PTER: variants seen among roughly 807,000 people sequenced by gnomAD.
The protein encoded by PTER is phosphotriesterase related.
Under a neutral mutation model 29.6 loss-of-function variants are expected in PTER, and 38 were observed. The observed-to-expected ratio is 1.28, with a 90% CI of 0.99 to 1.68. The LOEUF is 1.68. Ranked by LOEUF, PTER falls within the 40% of genes most tolerant of loss-of-function variation. The pLI is 0.00. For missense variants in PTER, 482 were observed against 427.8 expected (o/e 1.13, Z -1.12); for synonymous variants, 172 against 154.5 (o/e 1.11, Z -0.84).
At chr10:16,491,271 C>T (rs1482537999) in intron 3 of PTER, among the ~76,000 whole-genome samples, 1 of 152,144 alleles carries the variant, frequency 6.6e-6, no homozygotes, top group Middle Eastern at 3.2e-3. Flanking sequence ...AGCTAGGGAA[C>T]ATGGCTTTAG....
At chr10:16,491,938 G>A (rs1212923472) in intron 3 of PTER, among the ~76,000 whole-genome samples, 1 of 150,194 alleles carries the variant, frequency 6.7e-6, no homozygotes, top group African/African-American at 2.5e-5. Context: ...ATTTGTATGG[G>A]TGCACACACA....
At chr10:16,460,554 T>A (rs1834574832) in intron 1 of PTER, among the ~76,000 whole-genome samples, 2 of 152,204 alleles carry the variant, frequency 1.3e-5, no homozygotes, top group African/African-American at 2.4e-5. Flanking sequence ...TACTTAATAA[T>A]ATATTTTACC....
intron 1 of PTER, among the ~76,000 whole-genome samples, chr10:16,448,768 C>T (rs372326559): frequency 6.1e-4 from 93 of 152,236 alleles, no homozygotes; most frequent in African/African-American, 2.1e-3. Flanking sequence ...TGACACAAAG[C>T]CAGAGAGATG....
chr10:16,503,550 A>T (rs1394612128), intron 3 of PTER, among the ~76,000 whole-genome samples: 1 of 151,842 alleles, frequency 6.6e-6, no homozygotes, highest in Non-Finnish European at 1.5e-5. Context: ...GATTACAGGC[A>T]CCCACCACTA....
At chr10:16,442,990 A>G (rs958396333) in intron 1 of PTER, among the ~76,000 whole-genome samples, 1 of 152,082 alleles carries the variant, frequency 6.6e-6, no homozygotes, top group African/African-American at 2.4e-5. Flanking sequence ...TAAAAATAAG[A>G]TGAAATAAAA....
Position 16,466,343 on chromosome 10 carries a change from A to G in PTER, c.-48-17994A>G, listed in dbSNP as rs78172601. Among the ~76,000 whole-genome samples the G allele has an allele frequency of 8.7e-3, 1,319 of 151,976 alleles. 22 individuals carry two copies. Among genetic ancestry groups the G allele is most frequent in the African/African-American group, 0.03 (1,254 of 41,404 alleles). Reference sequence around the variant, plus strand: ...CCAAACAGGCTAGGTTAGACCATCTAAAAACAGGTATCTGCACTGATTGTT... The same window carrying G: ...CCAAACAGGCTAGGTTAGACCATCTGAAAACAGGTATCTGCACTGATTGTT... On this transcript the variant is annotated intron_variant, in intron 1 of 4. Transcript: ENST00000535784.
Position 16,469,120 on chromosome 10 carries a change from A to G in PTER, c.-48-15217A>G, listed in dbSNP as rs1040001633. ...CCACAGGACAATCTTCTAGTTAGGA[A>G]GAGTGCTGAAGGCCGAGTAGAAGTT... On this transcript the variant is annotated intron_variant, in intron 1 of 4. Transcript: ENST00000535784. Among the ~76,000 whole-genome samples the G allele has an allele frequency of 1.4e-3, 207 of 152,190 alleles. 1 individual carries two copies. Among genetic ancestry groups the G allele is most frequent in the Non-Finnish European group, 1.5e-4 (10 of 68,016 alleles).
chr10:16,476,591 G>A (rs1004536154), intron 1 of PTER, among the ~76,000 whole-genome samples: 3 of 151,880 alleles, frequency 2.0e-5, no homozygotes, highest in Non-Finnish European at 4.4e-5. Context: ...TTTAAGACAG[G>A]GTTTTACTTT....
At chr10:16,440,642 CAG>C (rs1331893089) in intron 1 of PTER, among the ~76,000 whole-genome samples, 1 of 152,138 alleles carries the variant, frequency 6.6e-6, no homozygotes, top group Non-Finnish European at 1.5e-5. Flanking sequence ...GTGTCACTTC[CAG>C]GTAAAACTGT....
At chr10:16,484,220 A>G in intron 1 of PTER, 117 bp from the exon 2 acceptor site, 1 of 634,150 alleles carries the variant, frequency 1.6e-6, no homozygotes, top group Non-Finnish European at 2.6e-6. Context: ...CTCTAGTTTT[A>G]TTGATTTGCC....
At chr10:16,507,749 A>T (rs140980338) in intron 4 of PTER, among the ~76,000 whole-genome samples, 79 of 152,362 alleles carry the variant, frequency 5.2e-4, no homozygotes, top group African/African-American at 1.8e-3. Flanking sequence ...AAATGACTTC[A>T]CCTGTCTTGA....
At chr10:16,489,195 G>A (rs1000715080) in intron 3 of PTER, among the ~76,000 whole-genome samples, 2 of 152,046 alleles carry the variant, frequency 1.3e-5, no homozygotes, top group African/African-American at 2.4e-5. Flanking sequence ...GAATCAATCT[G>A]TCACTTAGCC....
At chr10:16,471,410 G>A (rs1835049964) in intron 1 of PTER, among the ~76,000 whole-genome samples, 1 of 151,916 alleles carries the variant, frequency 6.6e-6, no homozygotes, top group African/African-American at 2.4e-5. Flanking sequence ...CCCTTTTACT[G>A]ATTATAAATG....
intron 1 of PTER, among the ~76,000 whole-genome samples, chr10:16,452,216 CACACAT>C (rs1186011558): frequency 0.018 from 2,688 of 151,602 alleles, 91 homozygotes; most frequent in African/African-American, 0.063. Flanking sequence ...CACACACACA[CACACAT>C]ATATATACAT....
chr10:16,478,427 G>A (rs1408135613), intron 1 of PTER, among the ~76,000 whole-genome samples: 4 of 147,988 alleles, frequency 2.7e-5, no homozygotes, highest in East Asian at 2.2e-4. Context: ...TCCGCCTCCC[G>A]GGTTCAAGCG....
At chr10:16,507,207 TA>T (rs1018684115) in intron 4 of PTER, among the ~76,000 whole-genome samples, 4 of 149,932 alleles carry the variant, frequency 2.7e-5, no homozygotes, top group African/African-American at 9.8e-5. Context: ...GGAGCATATA[TA>T]TATATATATA....
intron 4 of PTER, among the ~76,000 whole-genome samples, chr10:16,507,541 T>A (rs1322483128): frequency 6.6e-6 from 1 of 152,204 alleles, no homozygotes; most frequent in Non-Finnish European, 1.5e-5. Context: ...CCAGTGGTCA[T>A]AGTTGGGACA....
intron 1 of PTER, among the ~76,000 whole-genome samples, chr10:16,440,355 A>G (rs1022651277): frequency 6.6e-6 from 1 of 152,084 alleles, no homozygotes; most frequent in Non-Finnish European, 1.5e-5. Flanking sequence ...CCGGCCCTTA[A>G]TAACACTTTT....
At chr10:16,496,222 C>T (rs549634222) in intron 3 of PTER, among the ~76,000 whole-genome samples, 2 of 152,216 alleles carry the variant, frequency 1.3e-5, no homozygotes, top group Non-Finnish European at 2.9e-5. Context: ...GGTCCCAGAT[C>T]TAGCCTCCAC....
Sources: allele counts gnomAD v4.1 joint callset (sites outside exome capture counted in the v4.1 genomes callset), GRCh38; gene constraint gnomAD v4.1.1; transcripts MANE v1.5; gene names NCBI Gene and HGNC (gene_info 2026-07-23, HGNC 2026-07-21).